The following TGM3 variants were observed in gnomAD, a reference collection of about 807,000 sequenced individuals.
TGM3 encodes the protein transglutaminase 3, also known as protein-glutamine gamma-glutamyltransferase E.
Under a neutral mutation model 73.8 loss-of-function variants are expected in TGM3, and 52 were observed. That is an observed-to-expected ratio of 0.70 (90% CI 0.56 to 0.89). The LOEUF (loss-of-function observed/expected upper bound fraction) is 0.89. TGM3 is among the 40% of genes least tolerant of loss of function. The pLI is 0.00. For synonymous variants in TGM3, 372 were observed against 354.9 expected (o/e 1.05, Z -0.54); for missense variants, 928 against 909.9 (o/e 1.02, Z -0.26).
chr20:2,340,842 A>G lies in TGM3; in HGVS notation c.*261A>G, dbSNP rs2084378402. 6 of 609,056 alleles carry G rather than the reference A, an allele frequency of 9.9e-6. No individual in the cohort carries two copies. The East Asian group carries it at 2.2e-4, about 22-fold the overall frequency. The allele number at this position is 609,056 out of a possible 1,614,324, so 37.7% of individuals were successfully genotyped here. On this transcript the variant is annotated 3_prime_UTR_variant, in exon 13 of 13. Transcript: ENST00000381458. ...CAGAGCTGCCTGCTCTGTGAGCCCC[A>G]CAGCCCTGCTCATTCCTCACGCCCT...
chr20:2,317,519 A>G (rs778176820), intron 7 of TGM3, 34 bp downstream of exon 7: 2 of 1,612,148 alleles, frequency 1.2e-6, no homozygotes, highest in African/African-American at 1.3e-5. Context: ...AACTTCGAGC[A>G]CCACATTTGA....
At chr20:2,298,316 C>T (rs528294189) in intron 1 of TGM3, among the ~76,000 whole-genome samples, 1 of 152,282 alleles carries the variant, frequency 6.6e-6, no homozygotes, top group East Asian at 1.9e-4. Context: ...CCTGGCATCC[C>T]CAGAGTGGGT....
Position 2,334,952 on chromosome 20 carries a change from G to A in TGM3, c.1643-164G>A, listed in dbSNP as rs990256123. 4.6e-5 allele frequency among the ~76,000 whole-genome samples: 7 copies of A among 152,186 alleles called. No individual in the cohort carries two copies. Among genetic ancestry groups the A allele is most frequent in the Non-Finnish European group, 7.4e-5 (5 of 68,004 alleles). On this transcript the variant is annotated intron_variant, in intron 10 of 12. Transcript: ENST00000381458. This position sits in a 1 kb window ranked among gnomAD's most constrained non-coding sequence, Gnocchi z 4.0. ...CCCTGCTCTGGAGCCCACCCTGACC[G>A]GGGGACGCTTCCCACAGGACCTGGC...
At chr20:2,340,035 G>GGGGGGGGGGGGGGGGGGC in intron 12 of TGM3, 48 bp downstream of exon 12, 1 of 1,429,524 alleles carries the variant, frequency 7.0e-7, no homozygotes, top group Non-Finnish European at 9.6e-7. Context: ...GGAGGGGGCG[G>GGGGGGGGGGGGGGGGGGC]GGGGGCCCTC....
chr20:2,329,321 G>A (rs2084306900), intron 9 of TGM3, among the ~76,000 whole-genome samples: 1 of 152,170 alleles, frequency 6.6e-6, no homozygotes, highest in Non-Finnish European at 1.5e-5. Context: ...AAGGAAAGCT[G>A]AGCGCAGGTG....
At chr20:2,308,553 C>G (rs1032408418) in intron 1 of TGM3, among the ~76,000 whole-genome samples, 4 of 152,280 alleles carry the variant, frequency 2.6e-5, no homozygotes, top group South Asian at 2.1e-4. Flanking sequence ...TGTTTGTCCT[C>G]GGGTCTTATC....
At chr20:2,300,526 T>C (rs865849504) in intron 1 of TGM3, among the ~76,000 whole-genome samples, 1 of 152,292 alleles carries the variant, frequency 6.6e-6, no homozygotes. Flanking sequence ...TGTGTCTAAG[T>C]CATTGCTGCC....
intron 3 of TGM3, 91 bp downstream of exon 3, chr20:2,310,508 G>T: frequency 6.5e-7 from 1 of 1,549,428 alleles, no homozygotes; most frequent in South Asian, 1.2e-5. Flanking sequence ...GCTCAAGTTT[G>T]ATTAGGGAAA....
intron 3 of TGM3, 112 bp from the exon 4 acceptor site, chr20:2,310,899 G>A: frequency 3.4e-6 from 3 of 870,476 alleles, no homozygotes; most frequent in South Asian, 2.9e-5. Context: ...AGGGCTAAAG[G>A]TGGGGCTTGC....
rs45520943 is a variant in TGM3 at position 2,334,194 on chromosome 20, G to A, written c.1643-922G>A. ...AGCCAGGGGAGGCATTTCCATCTGG[G>A]GGAACCATGTGAGTCAAAATATGGG... On this transcript the variant is annotated intron_variant, in intron 10 of 12. Coordinates refer to ENST00000381458, the MANE Select transcript of TGM3 (RefSeq NM_003245.4). This position sits in a 1 kb window ranked among gnomAD's most constrained non-coding sequence, Gnocchi z 4.0. 2.2e-4 allele frequency among the ~76,000 whole-genome samples: 33 copies of A among 152,236 alleles called. No individual in the cohort carries two copies. The East Asian group carries it at 6.2e-3, about 29-fold the overall frequency.
chr20:2,326,099 C>T, intron 8 of TGM3, 147 bp downstream of exon 8: 1 of 815,360 alleles, frequency 1.2e-6, no homozygotes, highest in Non-Finnish European at 2.0e-6. Context: ...TAGATCTCCC[C>T]TGCTAATTTT....
chr20:2,303,975 C>T (rs891998118), intron 1 of TGM3, among the ~76,000 whole-genome samples: 6 of 152,240 alleles, frequency 3.9e-5, no homozygotes, highest in East Asian at 1.9e-4. Flanking sequence ...AGGTTTTTCC[C>T]GCTGATGTCT....
chr20:2,337,800 A>C (rs1055230883), intron 11 of TGM3, among the ~76,000 whole-genome samples: 4 of 152,042 alleles, frequency 2.6e-5, no homozygotes. Flanking sequence ...TTCTTCCAGC[A>C]TTATCTTTTA....
At chr20:2,306,605 T>A (rs1345587731) in intron 1 of TGM3, among the ~76,000 whole-genome samples, 3 of 151,862 alleles carry the variant, frequency 2.0e-5, no homozygotes. Flanking sequence ...ACCTCCTGAG[T>A]AGCTGGGATT....
intron 10 of TGM3, among the ~76,000 whole-genome samples, chr20:2,333,578 TA>T (rs2122249906): frequency 6.6e-6 from 1 of 152,232 alleles, no homozygotes; most frequent in South Asian, 2.1e-4. Flanking sequence ...AAGTTTTTTG[TA>T]GAGATAGGGT....
chr20:2,304,480 C>T (rs1208103326), intron 1 of TGM3, among the ~76,000 whole-genome samples: 1 of 152,068 alleles, frequency 6.6e-6, no homozygotes, highest in Admixed American at 6.6e-5. Flanking sequence ...TCCCCTCTGT[C>T]GGAATCCAAA....
At position 2,340,687 on chromosome 20, in the gene TGM3, A is replaced by G. The variant is rs1453955340; in HGVS notation, c.*106A>G. The G allele has an allele frequency of 6.8e-6, 10 of 1,467,018 alleles. No homozygotes were observed. The highest frequency in any genetic ancestry group is 4.2e-5 in the African/African-American group (3 of 71,478). The allele number at this position is 1,467,018 out of a possible 1,614,324, so 90.9% of individuals were successfully genotyped here. A position where few individuals can be genotyped will look rare whatever the true frequency, so the allele number is the denominator to read the frequency against. ...CTGTCCGGCCTGGGAAACCCTCTCCATCTCCCAAGGCTGCCAGACATGGAC... is the reference window on the plus strand; with the variant it reads ...CTGTCCGGCCTGGGAAACCCTCTCCGTCTCCCAAGGCTGCCAGACATGGAC... On this transcript the variant is annotated 3_prime_UTR_variant, in exon 13 of 13. Transcript: ENST00000381458.
chr20:2,298,231 TG>T (rs554878619), intron 1 of TGM3, among the ~76,000 whole-genome samples: 61 of 152,196 alleles, frequency 4.0e-4, no homozygotes, highest in Admixed American at 1.2e-3. Flanking sequence ...CACCCCTTGG[TG>T]GAGAAGGCAG....
In TGM3 at chr20:2,340,866, C is replaced by T. The variant is rs1462398164; in HGVS notation, c.*285C>T. On this transcript the variant is annotated 3_prime_UTR_variant, in exon 13 of 13. Coordinates refer to ENST00000381458, the MANE Select transcript of TGM3 (RefSeq NM_003245.4). Reference sequence around the variant, plus strand: ...CACAGCCCTGCTCATTCCTCACGCCCTTCAATGCTGCAGGATGGACTGGCC... The same window carrying T: ...CACAGCCCTGCTCATTCCTCACGCCTTTCAATGCTGCAGGATGGACTGGCC... 1.8e-6 allele frequency: 1 copy of T among 558,260 alleles called. No individual in the cohort carries two copies. The highest frequency in any genetic ancestry group is 1.9e-5 in the African/African-American group (1 of 53,632). 34.6% of individuals were successfully genotyped at this position (558,260 alleles called of 1,614,324 possible).
Sources: allele counts gnomAD v4.1 joint callset (sites outside exome capture counted in the v4.1 genomes callset), GRCh38; gene constraint gnomAD v4.1.1; non-coding constraint Gnocchi (gnomAD v3.1); transcripts MANE v1.5; gene names NCBI Gene and HGNC (gene_info 2026-07-23, HGNC 2026-07-21).